The following RUNX1 variants were observed in gnomAD, a reference collection of about 807,000 sequenced individuals.
RUNX1 encodes the protein runt-related transcription factor 1.
In RUNX1, 19 loss-of-function variants were observed where a neutral mutation model predicts 42.8. The ratio of observed to expected loss-of-function variants is 0.44; its 90% CI spans 0.31 to 0.65. The LOEUF is 0.65. RUNX1 is among the 30% of genes least tolerant of loss of function. RUNX1 has a pLI of 0.07. For synonymous variants in RUNX1, 271 were observed against 289.4 expected (o/e 0.94, Z 0.64); for missense variants, 528 against 672.0 (o/e 0.79, Z 2.37).
At position 34,907,174 on chromosome 21, in the gene RUNX1, T is replaced by G. The variant is rs2058228135; in HGVS notation, c.59-14211A>C. ...TTCCTGGTGTACAGTCTTTGGGGGC[T>G]CTTGACAGCAAGAAAACCTAAACAG... On this transcript the variant is annotated intron_variant, in intron 2 of 8. Transcript: ENST00000675419. The surrounding 1 kb of genome is among the most constrained non-coding windows in gnomAD (Gnocchi z 5.3). Among the ~76,000 whole-genome samples, 1 of 152,166 alleles carries G rather than the reference T, an allele frequency of 6.6e-6. No homozygotes were observed. The highest frequency in any genetic ancestry group is 1.5e-5 in the Non-Finnish European group (1 of 68,036).
At chr21:35,012,021 C>A (rs2059129755) in intron 2 of RUNX1, among the ~76,000 whole-genome samples, 1 of 152,126 alleles carries the variant, frequency 6.6e-6, no homozygotes, top group African/African-American at 2.4e-5. Context: ...GCAGGTGCTA[C>A]AGGATTAAGA....
intron 7 of RUNX1, chr21:34,821,782 C>T (rs768954002): frequency 4.2e-5 from 49 of 1,175,878 alleles, no homozygotes; most frequent in Non-Finnish European, 5.3e-5. Flanking sequence ...CCTCCCCTAC[C>T]CCAAGGCGTG....
At chr21:34,793,295 A>C (rs538180899) in intron 8 of RUNX1, among the ~76,000 whole-genome samples, 1 of 152,288 alleles carries the variant, frequency 6.6e-6, no homozygotes, top group African/African-American at 2.4e-5. Flanking sequence ...AATATAGAAT[A>C]TCATGTAATG....
intron 2 of RUNX1, among the ~76,000 whole-genome samples, chr21:35,033,936 C>A (rs2059289646): frequency 6.6e-6 from 1 of 152,138 alleles, no homozygotes; most frequent in African/African-American, 2.4e-5. Flanking sequence ...GAGTTAAGGG[C>A]TCTTTGATTA....
At chr21:34,992,947 G>A (rs1394442056) in intron 2 of RUNX1, among the ~76,000 whole-genome samples, 2 of 152,234 alleles carry the variant, frequency 1.3e-5, no homozygotes, top group Non-Finnish European at 2.9e-5. Flanking sequence ...GGCCTCAGCA[G>A]GGAGGGGAGC....
chr21:34,930,289 T>TATAA (rs200464696), intron 2 of RUNX1, among the ~76,000 whole-genome samples: 100 of 136,982 alleles, frequency 7.3e-4, no homozygotes, highest in African/African-American at 2.9e-3. Context: ...TATATATATA[T>TATAA]ATAAATAAAT....
At chr21:34,899,125 G>T (rs1456788835) in intron 2 of RUNX1, among the ~76,000 whole-genome samples, 1 of 152,086 alleles carries the variant, frequency 6.6e-6, no homozygotes, top group Non-Finnish European at 1.5e-5. Flanking sequence ...TGTTGTCCAC[G>T]CTGGTCTCGA....
rs1316639897 is a variant in RUNX1 at position 34,787,803 on chromosome 21, T to C, written c.*4332A>G. Reference sequence around the variant, plus strand: ...AGAGAAAGACAAAACCAATTGGATATGGTGTATGTACTTGTCAAACTGTTT... The same window carrying C: ...AGAGAAAGACAAAACCAATTGGATACGGTGTATGTACTTGTCAAACTGTTT... On this transcript the variant is annotated 3_prime_UTR_variant, in exon 9 of 9. Transcript: ENST00000675419. The C allele has an allele frequency of 8.7e-6, 2 of 230,660 alleles. No homozygotes were observed. Among genetic ancestry groups the C allele is most frequent in the African/African-American group, 2.2e-5 (1 of 45,164 alleles). The allele number at this position is 230,660 out of a possible 1,614,324, so 14.3% of individuals were successfully genotyped here.
chr21:35,016,253 T>C (rs192603055), intron 2 of RUNX1, among the ~76,000 whole-genome samples: 152 of 152,338 alleles, frequency 1.0e-3, no homozygotes, highest in African/African-American at 3.6e-3. Flanking sequence ...CTGCTTCCCT[T>C]GCGCGTGGGG....
chr21:34,937,845 T>A (rs2058498015), intron 2 of RUNX1, among the ~76,000 whole-genome samples: 1 of 152,214 alleles, frequency 6.6e-6, no homozygotes, highest in South Asian at 2.1e-4. Flanking sequence ...AAGGTTGAGC[T>A]TTCTTTTTCT....
intron 4 of RUNX1, 76 bp from the exon 5 acceptor site, chr21:34,880,789 T>G (rs1364300870): frequency 7.0e-7 from 1 of 1,426,750 alleles, no homozygotes; most frequent in Non-Finnish European, 9.8e-7. Context: ...GTGTAGTGAT[T>G]ATTCTAAAAT....
Position 34,791,622 on chromosome 21 carries a change from G to A in RUNX1, c.*513C>T. On this transcript the variant is annotated 3_prime_UTR_variant, in exon 9 of 9. Coordinates refer to ENST00000675419, the MANE Select transcript of RUNX1 (RefSeq NM_001754.5). ...CCACCCAAATGCAAATACGCATTTT[G>A]CAATTGATAAGGTGCGGAAAAATTA... The A allele has an allele frequency of 4.3e-6, 1 of 230,450 alleles. No individual in the cohort carries two copies. The highest frequency in any genetic ancestry group is 2.2e-5 in the African/African-American group (1 of 45,296). 14.3% of individuals were successfully genotyped at this position (230,450 alleles called of 1,614,324 possible). A position where few individuals can be genotyped will look rare whatever the true frequency, so the allele number is the denominator to read the frequency against.
chr21:34,980,208 C>T (rs1042528046), intron 2 of RUNX1, among the ~76,000 whole-genome samples: 6 of 152,192 alleles, frequency 3.9e-5, no homozygotes, highest in Admixed American at 2.0e-4. Context: ...AAACAGTGGA[C>T]GAAGTTCTCT....
chr21:35,039,075 G>A lies in RUNX1; in HGVS notation c.58+9767C>T, dbSNP rs76525513. ...TGCATTTCTAACACAGCCTAAGGAC[G>A]TTCTTAAGGACTCAGGGATTCATAT... is the stretch of plus-strand genomic sequence containing the variant. On this transcript the variant is annotated intron_variant, in intron 2 of 8. Coordinates refer to ENST00000675419, the MANE Select transcript of RUNX1 (RefSeq NM_001754.5). Among the ~76,000 whole-genome samples, 300 of 152,320 alleles carry A rather than the reference G, an allele frequency of 2.0e-3. 2 individuals are homozygous for A. The highest frequency in any genetic ancestry group is 7.1e-3 in the African/African-American group (295 of 41,568).
Position 34,886,868 on chromosome 21 carries a change from T to C in RUNX1, c.326A>G (p.Asn109Ser), listed in dbSNP as rs1402769820. 2.5e-6 allele frequency: 4 copies of C among 1,613,496 alleles called. No homozygotes were observed. Among genetic ancestry groups the C allele is most frequent in the Non-Finnish European group, 3.4e-6 (4 of 1,179,784 alleles). ...CSVLPTHWRC[N>S]KTLPIAFKVV... The stretch of plus-strand genomic sequence containing the variant: ...CTTGAAAGCGATGGGCAGGGTCTTG[T>C]TGCAGCGCCAGTGCGTAGGCAGCAC... Residue 109 changes from asparagine to serine, a missense_variant, in exon 4 of 9, where the codon AAC becomes AGC. Around this residue, in one of 3 missense-constraint regions of RUNX1, gnomAD observed 83 missense variants for 174.5 expected, o/e 0.48. Coordinates refer to ENST00000675419, the MANE Select transcript of RUNX1 (RefSeq NM_001754.5).
intron 3 of RUNX1, among the ~76,000 whole-genome samples, chr21:34,891,538 C>CA (rs2058080990): frequency 6.6e-6 from 1 of 152,156 alleles, no homozygotes; most frequent in Non-Finnish European, 1.5e-5. Flanking sequence ...AGGACAGCCA[C>CA]AGCGTGTACG....
chr21:34,932,724 C>T (rs746603177), intron 2 of RUNX1, among the ~76,000 whole-genome samples: 6 of 152,004 alleles, frequency 3.9e-5, no homozygotes, highest in Admixed American at 1.3e-4. Context: ...AAATTTTACC[C>T]CTGTTTGTTT....
At chr21:34,924,751 A>G (rs1014945605) in intron 2 of RUNX1, among the ~76,000 whole-genome samples, 15 of 152,200 alleles carry the variant, frequency 9.9e-5, no homozygotes, top group African/African-American at 3.6e-4. Context: ...TGCTATAACA[A>G]ATTACAATAG....
chr21:34,967,948 C>A (rs2058733406), intron 2 of RUNX1, among the ~76,000 whole-genome samples: 1 of 152,208 alleles, frequency 6.6e-6, no homozygotes, highest in African/African-American at 2.4e-5. Context: ...ACTAGAGAAA[C>A]AGTGGACGCC....
Sources: allele counts gnomAD v4.1 joint callset (sites outside exome capture counted in the v4.1 genomes callset), GRCh38; gene constraint gnomAD v4.1.1; regional missense constraint gnomAD v4.1.1; non-coding constraint Gnocchi (gnomAD v3.1); transcripts MANE v1.5; gene names NCBI Gene and HGNC (gene_info 2026-07-23, HGNC 2026-07-21).